Variants in SMC5 observed in about 807,000 individuals in gnomAD.
The protein encoded by SMC5 is structural maintenance of chromosomes 5, also known as structural maintenance of chromosomes protein 5.
A neutral mutation model predicts 148.3 loss-of-function variants in SMC5; 88 were observed. That is an observed-to-expected ratio of 0.59 (90% CI 0.50 to 0.71). SMC5 has a LOEUF of 0.71. SMC5 is among the 30% of genes least tolerant of loss of function. The pLI is 0.00. For synonymous variants in SMC5, 421 were observed against 432.8 expected (o/e 0.97, Z 0.34); for missense variants, 1,142 against 1,298.9 (o/e 0.88, Z 1.86).
chr9:70,326,377 G>A (rs1287801883), intron 17 of SMC5, among the ~76,000 whole-genome samples: 3 of 152,026 alleles, frequency 2.0e-5, no homozygotes, highest in East Asian at 1.9e-4. Context: ...GAAAACTTAC[G>A]TAAATGGATG....
At chr9:70,290,840 C>T (rs973582883) in intron 8 of SMC5, among the ~76,000 whole-genome samples, 1 of 152,178 alleles carries the variant, frequency 6.6e-6, no homozygotes, top group Non-Finnish European at 1.5e-5. Flanking sequence ...AAAGTAAGCA[C>T]CGCCAGCAAG....
At chr9:70,293,425 G>T (rs2035116925) in intron 8 of SMC5, among the ~76,000 whole-genome samples, 1 of 141,836 alleles carries the variant, frequency 7.1e-6, no homozygotes, top group Non-Finnish European at 1.5e-5. Flanking sequence ...TTGTTTTATT[G>T]ATTTTTCTCT....
chr9:70,297,570 T>C (rs2035235396), intron 8 of SMC5, among the ~76,000 whole-genome samples: 1 of 152,208 alleles, frequency 6.6e-6, no homozygotes, highest in Non-Finnish European at 1.5e-5. Context: ...ACTTGTAATC[T>C]TTATTATCAT....
Position 70,352,813 on chromosome 9 carries a change from C to G in SMC5, c.*482C>G, listed in dbSNP as rs1176905070. On this transcript the variant is annotated 3_prime_UTR_variant, in exon 25 of 25. Transcript: ENST00000361138. ...TGTATAGTAATAATTTATGACAGAT[C>G]TAGTCATTTCTTCCTATTAAAAAAG... 1 of 151,898 alleles carries G rather than the reference C, an allele frequency of 6.6e-6. No individual in the cohort carries two copies. Among genetic ancestry groups the G allele is most frequent in the East Asian group, 1.9e-4 (1 of 5,190 alleles). The allele number at this position is 151,898 out of a possible 1,614,324, so 9.4% of individuals were successfully genotyped here.
chr9:70,272,515 C>T (rs963444794), intron 3 of SMC5, among the ~76,000 whole-genome samples: 1 of 151,994 alleles, frequency 6.6e-6, no homozygotes, highest in Non-Finnish European at 1.5e-5. Flanking sequence ...CAGGAATTCA[C>T]CAACCTGGGC....
At chr9:70,278,699 G>A (rs1024154746) in intron 5 of SMC5, 74 bp downstream of exon 5, 20 of 1,417,948 alleles carry the variant, frequency 1.4e-5, no homozygotes, top group Non-Finnish European at 1.8e-5. Context: ...AGAGAGAGTA[G>A]TAGTATTGAT....
At position 70,295,833 on chromosome 9, in the gene SMC5, G is replaced by A. The variant is rs147410231; in HGVS notation, c.1054-2133G>A. On this transcript the variant is annotated intron_variant, in intron 8 of 24. Transcript: ENST00000361138. ...GTTTTGCTGGGATTGCAGACGTTCTGTTTGTTAGTGAATCTTAATTCTGTA... is the reference window on the plus strand; with the variant it reads ...GTTTTGCTGGGATTGCAGACGTTCTATTTGTTAGTGAATCTTAATTCTGTA... Among the ~76,000 whole-genome samples the A allele has an allele frequency of 3.9e-3, 598 of 152,246 alleles. 3 individuals are homozygous for A. Among genetic ancestry groups the A allele is most frequent in the African/African-American group, 0.013 (554 of 41,538 alleles).
chr9:70,277,393 C>A lies in SMC5; in HGVS notation c.464C>A (p.Ser155Tyr), dbSNP rs1390910028. ...TCCTTTTGGTTCATCAACAAAAAAT[C>A]TACAACCCAGAAAATAGTGGAAGAG... Reference protein sequence around the residue: ...NQSFWFINKKSTTQKIVEEKV... With the variant: ...NQSFWFINKKYTTQKIVEEKV... Residue 155 changes from serine (S) to tyrosine (Y), a missense_variant, in exon 4 of 25, where the codon TCT becomes TAT. Around this residue, in one of 5 missense-constraint regions of SMC5, gnomAD observed 297 missense variants for 302.6 expected, o/e 0.98. Coordinates refer to ENST00000361138, the MANE Select transcript of SMC5 (RefSeq NM_015110.4). The A allele has an allele frequency of 4.4e-6, 7 of 1,606,504 alleles. No homozygotes were observed. Among genetic ancestry groups the A allele is most frequent in the Non-Finnish European group, 6.0e-6 (7 of 1,176,350 alleles).
At chr9:70,292,329 A>AT (rs758500090) in intron 8 of SMC5, among the ~76,000 whole-genome samples, 2 of 152,222 alleles carry the variant, frequency 1.3e-5, no homozygotes, top group Non-Finnish European at 1.5e-5. Context: ...ATTTATTTAG[A>AT]TTTTTTATTT....
intron 11 of SMC5, among the ~76,000 whole-genome samples, chr9:70,308,590 C>CAAA (rs59441324): frequency 1.5e-4 from 11 of 72,254 alleles, no homozygotes; most frequent in Non-Finnish European, 2.3e-4. Context: ...GACTCTGTCT[C>CAAA]AAAAAAAAAA....
At chr9:70,287,397 C>T (rs955827338) in intron 8 of SMC5, among the ~76,000 whole-genome samples, 2 of 152,070 alleles carry the variant, frequency 1.3e-5, no homozygotes, top group East Asian at 1.9e-4. Context: ...ACAAATTTTT[C>T]GTGCGTGGGT....
intron 17 of SMC5, among the ~76,000 whole-genome samples, chr9:70,342,263 T>G (rs961055921): frequency 1.5e-5 from 2 of 133,188 alleles, no homozygotes; most frequent in African/African-American, 5.5e-5. Flanking sequence ...GGGGGAGGGA[T>G]AGCATTGGGA....
chr9:70,297,448 A>G (rs2118374817), intron 8 of SMC5, among the ~76,000 whole-genome samples: 1 of 152,314 alleles, frequency 6.6e-6, no homozygotes, highest in East Asian at 1.9e-4. Flanking sequence ...GTGCAAAAAT[A>G]ATGTGTTCTG....
chr9:70,312,751 A>G (rs370049407), intron 11 of SMC5, among the ~76,000 whole-genome samples: 2 of 152,148 alleles, frequency 1.3e-5, no homozygotes, highest in East Asian at 3.9e-4. Context: ...TTTGACTGTT[A>G]CATCAGTCTG....
intron 2 of SMC5, among the ~76,000 whole-genome samples, chr9:70,266,531 A>G (rs745621115): frequency 1.3e-5 from 2 of 152,176 alleles, no homozygotes; most frequent in Non-Finnish European, 2.9e-5. Flanking sequence ...TGAATTGGCT[A>G]TAACAATTTT....
At chr9:70,299,183 A>AG (rs2035288725) in intron 9 of SMC5, among the ~76,000 whole-genome samples, 1 of 151,930 alleles carries the variant, frequency 6.6e-6, no homozygotes, top group African/African-American at 2.4e-5. Context: ...GGCCGAAAAC[A>AG]TTTAGTGTTT....
intron 17 of SMC5, among the ~76,000 whole-genome samples, chr9:70,339,946 T>A (rs551401615): frequency 3.0e-4 from 45 of 151,972 alleles, no homozygotes; most frequent in Non-Finnish European, 5.7e-4. Flanking sequence ...CGATAAAAAT[T>A]TCTTGTTATT....
At chr9:70,302,535 G>A (rs989583898) in intron 10 of SMC5, among the ~76,000 whole-genome samples, 2 of 151,668 alleles carry the variant, frequency 1.3e-5, no homozygotes, top group African/African-American at 4.8e-5. Context: ...GCTGGGCATC[G>A]TGGCATGTGC....
At chr9:70,326,250 G>A (rs779581299) in intron 17 of SMC5, among the ~76,000 whole-genome samples, 5 of 152,130 alleles carry the variant, frequency 3.3e-5, no homozygotes, top group Non-Finnish European at 5.9e-5. Context: ...TCTTTTTGGT[G>A]ATGGAAATGT....
Sources: gnomAD v4.1 joint callset for allele counts (sites outside exome capture counted in the v4.1 genomes callset) on GRCh38, gnomAD v4.1.1 for gene constraint, gnomAD v4.1.1 regional missense constraint, MANE v1.5 for transcripts, NCBI Gene and HGNC (gene_info 2026-07-23, HGNC 2026-07-21) for gene names.